WDPCP: variants seen among roughly 807,000 people sequenced by gnomAD.
The protein encoded by WDPCP is WD repeat-containing and planar cell polarity effector protein fritz homolog.
WDPCP carries 71 observed loss-of-function variants against 93.1 expected under a neutral mutation model. That is an observed-to-expected ratio of 0.76 (90% CI 0.63 to 0.93). The LOEUF is 0.93. WDPCP is among the 40% of genes least tolerant of loss of function. The probability of loss-of-function intolerance (pLI) is 0.00; values close to 1 mark genes in which losing one functional copy is unlikely to be tolerated. For missense variants in WDPCP, 844 were observed against 887.4 expected (o/e 0.95, Z 0.62); for synonymous variants, 315 against 315.0 (o/e 1.00, Z 0.00).
intron 6 of WDPCP, among the ~76,000 whole-genome samples, chr2:63,462,579 G>A (rs898906680): frequency 6.6e-6 from 1 of 152,154 alleles, no homozygotes; most frequent in Admixed American, 6.5e-5. Context: ...GGCACACACG[G>A]AATAGACAGA....
chr2:63,156,366 C>A (rs1250293983), intron 15 of WDPCP, among the ~76,000 whole-genome samples: 2 of 152,054 alleles, frequency 1.3e-5, no homozygotes, highest in Non-Finnish European at 2.9e-5. Flanking sequence ...ACTTATAACA[C>A]AGTATTTCTT....
At chr2:63,815,870 T>TTTGTTGTTG (rs145808216) in intron 1 of WDPCP, among the ~76,000 whole-genome samples, 1 of 151,304 alleles carries the variant, frequency 6.6e-6, no homozygotes, top group Non-Finnish European at 1.5e-5. Context: ...CTGTCTTTGT[T>TTTGTTGTTG]TTGTTGTTGT....
chr2:63,777,380 C>T (rs1251877723), intron 2 of WDPCP, among the ~76,000 whole-genome samples: 1 of 152,136 alleles, frequency 6.6e-6, no homozygotes. Flanking sequence ...AATGTCACAG[C>T]CATTTTGGAA....
intron 13 of WDPCP, among the ~76,000 whole-genome samples, chr2:63,279,014 A>T (rs1036710430): frequency 6.6e-6 from 1 of 152,200 alleles, no homozygotes; most frequent in Non-Finnish European, 1.5e-5. Flanking sequence ...AACAAAAAAA[A>T]GTCCAGGACC....
intron 13 of WDPCP, among the ~76,000 whole-genome samples, chr2:63,259,651 GT>G (rs1681451658): frequency 6.6e-6 from 1 of 152,148 alleles, no homozygotes; most frequent in Non-Finnish European, 1.5e-5. Context: ...GAAAATACAA[GT>G]TTTTAATAAA....
chr2:63,821,134 A>C (rs1385469293), intron 1 of WDPCP, among the ~76,000 whole-genome samples: 1 of 152,146 alleles, frequency 6.6e-6, no homozygotes, highest in African/African-American at 2.4e-5. Context: ...TGAGGAGTTC[A>C]CAGTTCTTCT....
intron 3 of WDPCP, chr2:63,595,053 G>A: frequency 3.3e-6 from 1 of 305,490 alleles, no homozygotes; most frequent in Non-Finnish European, 6.2e-6. Context: ...TTGACCCATG[G>A]ATACTGAATT....
At chr2:63,806,790 C>G (rs1041715956) in intron 2 of WDPCP, among the ~76,000 whole-genome samples, 5 of 152,224 alleles carry the variant, frequency 3.3e-5, no homozygotes, top group African/African-American at 1.2e-4. Flanking sequence ...AAATATGGCT[C>G]TGTTCCGCCC....
intron 2 of WDPCP, among the ~76,000 whole-genome samples, chr2:63,708,376 C>G (rs1307945283): frequency 6.6e-6 from 1 of 152,230 alleles, no homozygotes; most frequent in Non-Finnish European, 1.5e-5. Context: ...TGATCTCAGA[C>G]TGCTGTGCTA....
chr2:63,249,419 T>A (rs148933411), intron 14 of WDPCP, among the ~76,000 whole-genome samples: 1 of 152,312 alleles, frequency 6.6e-6, no homozygotes, highest in Non-Finnish European at 1.5e-5. Context: ...GACTCCTACA[T>A]ACCAAGGTGT....
At chr2:63,594,206 C>G (rs964218418) in intron 3 of WDPCP, 1 of 538,208 alleles carries the variant, frequency 1.9e-6, no homozygotes, top group Admixed American at 1.9e-5. Flanking sequence ...CTGAACACAT[C>G]AACATTGTTG....
chr2:63,139,189 A>ACACACG (rs1670876912), intron 17 of WDPCP, among the ~76,000 whole-genome samples: 1 of 152,148 alleles, frequency 6.6e-6, no homozygotes, highest in African/African-American at 2.4e-5. Flanking sequence ...ACACACACAC[A>ACACACG]CACACACACA....
In WDPCP at chr2:63,404,556, G is replaced by A; in HGVS notation, c.927C>T (p.Asp309=). ...VFTVEHSVSV[D]KEPMADSCIY... Reference sequence around the variant, plus strand: ...TGCAGCTGTCAGCCATGGGCTCTTTGTCTACACTTACGGAGTGCTCCACTG... The same window carrying A: ...TGCAGCTGTCAGCCATGGGCTCTTTATCTACACTTACGGAGTGCTCCACTG... Residue 309 remains aspartate, a synonymous_variant, in exon 10 of 18, where the codon GAC becomes GAT. Coordinates refer to ENST00000272321, the MANE Select transcript of WDPCP (RefSeq NM_015910.7). 1 of 1,613,752 alleles carries A rather than the reference G, an allele frequency of 6.2e-7. No homozygotes were observed. Among genetic ancestry groups the A allele is most frequent in the Non-Finnish European group, 8.5e-7 (1 of 1,179,820 alleles).
chr2:63,800,886 T>C (rs1310636771), intron 2 of WDPCP, among the ~76,000 whole-genome samples: 1 of 152,026 alleles, frequency 6.6e-6, no homozygotes, highest in Non-Finnish European at 1.5e-5. Flanking sequence ...AAACCCCATC[T>C]CTGCAAAAAA....
At chr2:63,362,475 C>A (rs540435708) in intron 12 of WDPCP, among the ~76,000 whole-genome samples, 1 of 151,806 alleles carries the variant, frequency 6.6e-6, no homozygotes, top group African/African-American at 2.4e-5. Flanking sequence ...TGAATAGTAC[C>A]CAGTACTGCC....
intron 1 of WDPCP, among the ~76,000 whole-genome samples, chr2:63,528,731 G>C (rs994466135): frequency 6.6e-6 from 1 of 152,136 alleles, no homozygotes; most frequent in African/African-American, 2.4e-5. Flanking sequence ...CTTTAAAGTT[G>C]TTTTTCCAAT....
chr2:63,596,632 G>A (rs1430275662), intron 3 of WDPCP, among the ~76,000 whole-genome samples: 1 of 152,120 alleles, frequency 6.6e-6, no homozygotes, highest in Non-Finnish European at 1.5e-5. Context: ...TGGTGTTCCT[G>A]TCTATGCCCA....
chr2:63,769,308 A>G (rs994188749), intron 2 of WDPCP, among the ~76,000 whole-genome samples: 1 of 151,954 alleles, frequency 6.6e-6, no homozygotes, highest in Non-Finnish European at 1.5e-5. Context: ...AGAACCATGA[A>G]ACTTCTGTGG....
chr2:63,139,324 T>A (rs1253107884), intron 17 of WDPCP, among the ~76,000 whole-genome samples: 1 of 152,214 alleles, frequency 6.6e-6, no homozygotes, highest in Non-Finnish European at 1.5e-5. Context: ...CTTCTTTTCT[T>A]CTGTGTAGAC....
Sources: allele counts gnomAD v4.1 joint callset (sites outside exome capture counted in the v4.1 genomes callset), GRCh38; gene constraint gnomAD v4.1.1; transcripts MANE v1.5; gene names NCBI Gene and HGNC (gene_info 2026-07-23, HGNC 2026-07-21).